Variants in TSPAN18 observed in about 807,000 individuals in gnomAD.
The protein encoded by TSPAN18 is tetraspanin 18, also known as tetraspanin-18.
Under a neutral mutation model 27.3 loss-of-function variants are expected in TSPAN18, and 14 were observed. The observed-to-expected ratio is 0.51, with a 90% CI of 0.34 to 0.80. The LOEUF is 0.80. TSPAN18 is among the 30% of genes least tolerant of loss of function. The pLI, the probability that TSPAN18 is intolerant of heterozygous loss-of-function variation, is 0.01. For synonymous variants in TSPAN18, 143 were observed against 136.5 expected (o/e 1.05, Z -0.33); for missense variants, 268 against 323.9 (o/e 0.83, Z 1.32).
chr11:44,900,258 GGGT>G (rs1176735647), intron 3 of TSPAN18, among the ~76,000 whole-genome samples: 3 of 152,230 alleles, frequency 2.0e-5, no homozygotes, highest in African/African-American at 7.2e-5. Flanking sequence ...GCCTGGCGGT[GGGT>G]GATGGCCTGG....
intron 3 of TSPAN18, among the ~76,000 whole-genome samples, chr11:44,900,860 A>T (rs1307139290): frequency 2.6e-5 from 4 of 151,554 alleles, no homozygotes; most frequent in Middle Eastern, 3.4e-3. Context: ...CCCCCAGCTA[A>T]TTTTTGTTAT....
intron 3 of TSPAN18, among the ~76,000 whole-genome samples, chr11:44,865,805 TGGAGCAGGAACA>T (rs1858020616): frequency 6.6e-6 from 1 of 152,196 alleles, no homozygotes. Context: ...GGGGTCTCAG[TGGAGCAGGAACA>T]GGAGCAGGAG....
At chr11:44,849,543 G>GT (rs2135184704) in intron 2 of TSPAN18, among the ~76,000 whole-genome samples, 1 of 152,306 alleles carries the variant, frequency 6.6e-6, no homozygotes, top group East Asian at 1.9e-4. Flanking sequence ...AGGCCTGGGG[G>GT]TGCAGATGGG....
intron 3 of TSPAN18, chr11:44,886,435 G>T (rs1858656732): frequency 6.6e-6 from 1 of 152,254 alleles, no homozygotes; most frequent in African/African-American, 2.4e-5. Flanking sequence ...ACACGGCTGT[G>T]TCATCTCAGG....
intron 1 of TSPAN18, among the ~76,000 whole-genome samples, chr11:44,741,770 C>T (rs1854941496): frequency 6.6e-6 from 1 of 152,136 alleles, no homozygotes; most frequent in Non-Finnish European, 1.5e-5. Flanking sequence ...TATTTATTCC[C>T]TCTGAACGTT....
intron 2 of TSPAN18, among the ~76,000 whole-genome samples, chr11:44,843,361 G>C (rs973807664): frequency 6.6e-6 from 1 of 152,170 alleles, no homozygotes; most frequent in African/African-American, 2.4e-5. Context: ...AAAGGGAAGG[G>C]AGTATACAAA....
At chr11:44,923,459 G>A (rs1860223098) in intron 8 of TSPAN18, among the ~76,000 whole-genome samples, 1 of 152,176 alleles carries the variant, frequency 6.6e-6, no homozygotes, top group Non-Finnish European at 1.5e-5. Flanking sequence ...ACCGTCACGG[G>A]GTGGAGATGG....
intron 1 of TSPAN18, among the ~76,000 whole-genome samples, chr11:44,731,301 G>A (rs1234655718): frequency 1.3e-5 from 2 of 152,106 alleles, no homozygotes; most frequent in Non-Finnish European, 2.9e-5. Context: ...TGGTTAAACT[G>A]CCTGGATTTG....
In TSPAN18 at chr11:44,847,967, C is replaced by T. The variant is rs147906283; in HGVS notation, c.-152-12361C>T. Among the ~76,000 whole-genome samples, 1,148 of 151,086 alleles carry T rather than the reference C, an allele frequency of 7.6e-3. 19 individuals are homozygous for T. Among genetic ancestry groups the T allele is most frequent in the African/African-American group, 0.027 (1,103 of 41,072 alleles). On this transcript the variant is annotated intron_variant, in intron 2 of 9. Transcript: ENST00000520358. The stretch of plus-strand genomic sequence containing the variant: ...TCCTGCCTCAGCCTCCCAAGTAGCT[C>T]GGACTACAGGTACATGCCACTGTGG...
intron 3 of TSPAN18, among the ~76,000 whole-genome samples, chr11:44,899,075 A>G (rs10838382): frequency 0.08 from 12,107 of 152,210 alleles, 940 homozygotes; most frequent in African/African-American, 0.2. Context: ...CAGACGTCAC[A>G]TGGAAGGACA....
At chr11:44,732,173 G>A (rs888809102) in intron 1 of TSPAN18, among the ~76,000 whole-genome samples, 5 of 152,222 alleles carry the variant, frequency 3.3e-5, no homozygotes, top group Non-Finnish European at 5.9e-5. Context: ...CTCTTCCAGC[G>A]GCTTGGGAGG....
chr11:44,860,640 T>C (rs1361504321), intron 3 of TSPAN18, among the ~76,000 whole-genome samples, 171 bp downstream of exon 3: 9 of 152,158 alleles, frequency 5.9e-5, no homozygotes, highest in Non-Finnish European at 1.3e-4. Flanking sequence ...GGGGTGCAGA[T>C]AGTGTGAGTG....
At chr11:44,815,290 A>G (rs761092999) in intron 2 of TSPAN18, among the ~76,000 whole-genome samples, 53 of 152,280 alleles carry the variant, frequency 3.5e-4, no homozygotes, top group Non-Finnish European at 7.5e-4. Context: ...TCATTTCTCA[A>G]TCCATCTTGT....
intron 1 of TSPAN18, among the ~76,000 whole-genome samples, chr11:44,758,443 C>T (rs570725607): frequency 5.6e-4 from 85 of 152,154 alleles, no homozygotes; most frequent in African/African-American, 2.0e-3. Flanking sequence ...CTGCCAAATT[C>T]GGGTTGCTAA....
intron 1 of TSPAN18, among the ~76,000 whole-genome samples, chr11:44,732,756 T>C (rs1395120675): frequency 2.0e-5 from 3 of 152,230 alleles, no homozygotes; most frequent in African/African-American, 7.2e-5. Flanking sequence ...GTCACAGATC[T>C]GAAATTTGAA....
chr11:44,781,962 C>T (rs1855948618), intron 2 of TSPAN18, among the ~76,000 whole-genome samples: 1 of 152,208 alleles, frequency 6.6e-6, no homozygotes, highest in Non-Finnish European at 1.5e-5. Flanking sequence ...TCCTGTCAGT[C>T]TCCCTTCACT....
chr11:44,887,163 G>C (rs546169792), intron 3 of TSPAN18, among the ~76,000 whole-genome samples: 1 of 152,146 alleles, frequency 6.6e-6, no homozygotes, highest in Non-Finnish European at 1.5e-5. Flanking sequence ...CTCTGGAATC[G>C]ACTGCTGAGG....
chr11:44,903,352 A>G (rs1370751149), intron 3 of TSPAN18: 1 of 451,858 alleles, frequency 2.2e-6, no homozygotes, highest in African/African-American at 2.0e-5. Context: ...CGTCAGGGAC[A>G]TACCTCTGGG....
chr11:44,895,160 T>C (rs749058680), intron 3 of TSPAN18, among the ~76,000 whole-genome samples: 1 of 152,164 alleles, frequency 6.6e-6, no homozygotes. Flanking sequence ...ATTGTGGCAA[T>C]TTGTTAGAAT....
Sources: allele counts gnomAD v4.1 joint callset (sites outside exome capture counted in the v4.1 genomes callset), GRCh38; gene constraint gnomAD v4.1.1; transcripts MANE v1.5; gene names NCBI Gene and HGNC (gene_info 2026-07-23, HGNC 2026-07-21).